Variants in GIGYF1 observed in about 807,000 individuals in gnomAD.
GIGYF1 encodes the protein GRB10 interacting GYF protein 1, also known as GRB10-interacting GYF protein 1.
GIGYF1 carries 84 observed loss-of-function variants against 147.1 expected under a neutral mutation model. The observed-to-expected ratio is 0.57, with a 90% CI of 0.48 to 0.68. The LOEUF (loss-of-function observed/expected upper bound fraction) is 0.68. Ranked by LOEUF, GIGYF1 falls within the 30% of genes least tolerant of loss-of-function variation. GIGYF1 has a pLI of 0.00. For synonymous variants in GIGYF1, 752 were observed against 589.5 expected (o/e 1.28, Z -3.99); for missense variants, 1,485 against 1,393.7 (o/e 1.07, Z -1.04).
chr7:100,685,589 C>G, intron 12 of GIGYF1, 108 bp from the exon 13 acceptor site: 2 of 1,240,056 alleles, frequency 1.6e-6, no homozygotes, highest in South Asian at 1.4e-5. Context: ...TCCCTTAGGC[C>G]GAGTCCACCA....
In GIGYF1 at chr7:100,687,976, C is replaced by G; in HGVS notation, c.165+5G>C. On this transcript the variant is annotated splice_donor_5th_base_variant and intron_variant, in intron 5 of 26. Coordinates refer to ENST00000678049, the MANE Select transcript of GIGYF1 (RefSeq NM_001375765.1). ...ACCGCCAACCCCCCTCGCCCACGCA[C>G]CCACCTTGTTCTCCTTGACGTAGAG... 1 of 1,611,042 alleles carries G rather than the reference C, an allele frequency of 6.2e-7. No homozygotes were observed. The highest frequency in any genetic ancestry group is 1.3e-5 in the African/African-American group (1 of 75,002).
chr7:100,682,569 G>A, intron 23 of GIGYF1, 21 bp downstream of exon 23: 2 of 1,590,558 alleles, frequency 1.3e-6, no homozygotes, highest in Non-Finnish European at 1.7e-6. Flanking sequence ...CCATCCCGGA[G>A]CCTCCAGGTG....
intron 10 of GIGYF1, 45 bp downstream of exon 10, chr7:100,686,604 C>T (rs776387637): frequency 6.4e-7 from 1 of 1,568,688 alleles, no homozygotes; most frequent in Non-Finnish European, 8.6e-7. Context: ...ATTACAGTTC[C>T]TGCTCCCCAC....
At chr7:100,684,405 C>A (rs1357035352) in intron 16 of GIGYF1, 45 bp downstream of exon 16, 2 of 1,606,864 alleles carry the variant, frequency 1.2e-6, no homozygotes, top group African/African-American at 1.3e-5. Context: ...CTCCTGCCGG[C>A]ACCCCTCACA....
rs1335252559 is a variant in GIGYF1, at chr7:100,683,088, A to G, written c.2336T>C (p.Leu779Pro). Reference protein sequence around the residue: ...LSMKTLLELQLEGERQLHKQP... With the variant: ...LSMKTLLELQPEGERQLHKQP... The stretch of plus-strand genomic sequence containing the variant: ...TTTGTGCAGCTGCCGCTCGCCCTCC[A>G]GCTGCAACTCCAGGAGCGTCTTCAT... The change falls in exon 22 of 27, where the codon CTG becomes CCG. Residue 779 changes from leucine to proline, a missense_variant. By Grantham distance (98) the Leu-to-Pro change is moderately conservative. Coordinates refer to ENST00000678049, the MANE Select transcript of GIGYF1 (RefSeq NM_001375765.1). 4.4e-6 allele frequency: 7 copies of G among 1,587,270 alleles called. No homozygotes were observed. Among genetic ancestry groups the G allele is most frequent in the Admixed American group, 1.7e-5 (1 of 57,898 alleles).
chr7:100,687,605 G>A lies in GIGYF1; in HGVS notation c.273C>T (p.Ser91=). 6.2e-7 allele frequency: 1 copy of A among 1,611,430 alleles called. No homozygotes were observed. The highest frequency in any genetic ancestry group is 1.1e-5 in the South Asian group (1 of 90,938). ...PLTEEEQRNF[S]LSVNSVAVLR... Reference sequence around the variant, plus strand: ...GCACAGCCACGCTGTTCACTGACAGGGAGAAGTTTCTCTGAGGAGGGAGCC... The same window carrying A: ...GCACAGCCACGCTGTTCACTGACAGAGAGAAGTTTCTCTGAGGAGGGAGCC... The change falls in exon 7 of 27, where the codon TCC becomes TCT. Residue 91 remains serine, a synonymous_variant. Coordinates refer to ENST00000678049, the MANE Select transcript of GIGYF1 (RefSeq NM_001375765.1).
At chr7:100,685,224 C>T in intron 13 of GIGYF1, 78 bp from the exon 14 acceptor site, 1 of 1,518,010 alleles carries the variant, frequency 6.6e-7, no homozygotes, top group Non-Finnish European at 9.0e-7. Context: ...CACTCCAGAA[C>T]ACCACGCTCT....
At chr7:100,684,386 T>A in intron 16 of GIGYF1, 49 bp from the exon 17 acceptor site, 1 of 1,600,766 alleles carries the variant, frequency 6.2e-7, no homozygotes, top group Non-Finnish European at 8.5e-7. Context: ...AGGAGGGGAC[T>A]CTGCTGGACT....
At chr7:100,689,744 G>A (rs146439091) in intron 1 of GIGYF1, among the ~76,000 whole-genome samples, 189 bp from the exon 2 acceptor site, 9 of 152,314 alleles carry the variant, frequency 5.9e-5, no homozygotes, top group East Asian at 3.9e-4. Flanking sequence ...CCTCTGCCTC[G>A]GCTGGATGCT....
chr7:100,690,746 C>A (rs1281517924), intron 1 of GIGYF1, among the ~76,000 whole-genome samples: 3 of 147,424 alleles, frequency 2.0e-5, no homozygotes, highest in Non-Finnish European at 4.5e-5. Context: ...TGCGCCCCTG[C>A]ACTCCAGCCT....
In GIGYF1 at chr7:100,684,069, G is replaced by A. The variant is rs772560178; in HGVS notation, c.1819C>T (p.Gln607Ter). Residue 607 changes from glutamine (Q) to a stop codon, truncating the protein, a stop_gained, in exon 18 of 27, where the codon CAG becomes TAG. Transcript: ENST00000678049. LOFTEE classifies it high-confidence loss of function. Reference protein sequence around the residue: ...PPPPPPQQQQQQLTAFLQQLQ... With the variant: ...PPPPPPQQQQ ...TGCTGCAGGAATGCCGTGAGCTGCTGCTGCTGCTGCTGTGGCGGCGGCGGT... is the reference window on the plus strand; with the variant it reads ...TGCTGCAGGAATGCCGTGAGCTGCTACTGCTGCTGCTGTGGCGGCGGCGGT... 6.2e-7 allele frequency: 1 copy of A among 1,607,042 alleles called. No homozygotes were observed. Among genetic ancestry groups the A allele is most frequent in the Non-Finnish European group, 8.5e-7 (1 of 1,179,666 alleles).
In GIGYF1 at chr7:100,680,358, T is replaced by G. The variant is rs1804619098; in HGVS notation, c.*1361A>C. 1 of 152,398 alleles carries G rather than the reference T, an allele frequency of 6.6e-6. No individual in the cohort carries two copies. The allele number at this position is 152,398 out of a possible 1,614,324, so 9.4% of individuals were successfully genotyped here. Reference sequence around the variant, plus strand: ...GAGCAATGAGGTCAATGGGAGGAGCTGGATGAGAAACCCAAAAGACAAAAC... The same window carrying G: ...GAGCAATGAGGTCAATGGGAGGAGCGGGATGAGAAACCCAAAAGACAAAAC... On this transcript the variant is annotated 3_prime_UTR_variant, in exon 27 of 27. Transcript: ENST00000678049.
At chr7:100,683,667 T>G (rs2131373330) in intron 19 of GIGYF1, 35 bp from the exon 20 acceptor site, 1 of 1,593,582 alleles carries the variant, frequency 6.3e-7, no homozygotes, top group Non-Finnish European at 8.6e-7. Context: ...CGGCTGCAGG[T>G]GGGCACTTGG....
rs1805081754 is a variant in GIGYF1, at chr7:100,684,128, T to C, written c.1760A>G (p.Glu587Gly). The C allele has an allele frequency of 6.2e-7, 1 of 1,608,764 alleles. No homozygotes were observed. The highest frequency in any genetic ancestry group is 8.5e-7 in the Non-Finnish European group (1 of 1,179,722). ...TGTCAGGTCCCCCAGAGCTGCCTTT[T>C]CTCGGAGCGCGCACTGTGGGAGCTG... ...SRQLPQCALR[E>G]KAALGDLTPP... The change falls in exon 18 of 27, where the codon GAA becomes GGA. Residue 587 changes from glutamate (E) to glycine (G), a missense_variant. Coordinates refer to ENST00000678049, the MANE Select transcript of GIGYF1 (RefSeq NM_001375765.1).
chr7:100,693,962 G>A (rs1410523509), intron 1 of GIGYF1, 148 bp downstream of exon 1: 1 of 150,576 alleles, frequency 6.6e-6, no homozygotes, highest in Admixed American at 6.6e-5. Context: ...TCGGGGAGGA[G>A]ACGGGGGAGG....
chr7:100,687,415 G>C lies in GIGYF1; in HGVS notation c.374-9C>G, dbSNP rs1805471722. ...GTCACCACGGCCGCGGCCTAGAGAAGAGGCCAGACGCACAATGAAACCTGC... is the reference window on the plus strand; with the variant it reads ...GTCACCACGGCCGCGGCCTAGAGAACAGGCCAGACGCACAATGAAACCTGC... On this transcript the variant is annotated splice_polypyrimidine_tract_variant and intron_variant, in intron 7 of 26. Coordinates refer to ENST00000678049, the MANE Select transcript of GIGYF1 (RefSeq NM_001375765.1). 3 of 1,612,892 alleles carry C rather than the reference G, an allele frequency of 1.9e-6. No individual in the cohort carries two copies. Among genetic ancestry groups the C allele is most frequent in the Non-Finnish European group, 2.5e-6 (3 of 1,179,708 alleles).
rs780379372 is a variant in GIGYF1 at position 100,682,153 on chromosome 7, C to A, written c.2844G>T (p.Thr948=). The A allele has an allele frequency of 6.2e-7, 1 of 1,614,004 alleles. No homozygotes were observed. Among genetic ancestry groups the A allele is most frequent in the Non-Finnish European group, 8.5e-7 (1 of 1,179,962 alleles). Residue 948 remains threonine, a synonymous_variant, in exon 25 of 27, where the codon ACG becomes ACT. Transcript: ENST00000678049. ...HDYIRSCLGD[T]LEAKEFAKQF... ...GTTTGGCAAATTCTTTGGCTTCCAG[C>A]GTGTCCCCCAGGCAGGAACGGATAT... is the stretch of plus-strand genomic sequence containing the variant.
rs771818143 is a variant in GIGYF1, at chr7:100,687,280, GC to G, written c.482+17del. ...CCTGGCCTGCCCGGCTCTGCGCCAT[GC>G]CCCCTCCCCGCCCCACCTGTCATCC... On this transcript the variant is annotated intron_variant, in intron 8 of 26. Transcript: ENST00000678049. 62 of 1,604,840 alleles carry G rather than the reference GC, an allele frequency of 3.9e-5. No individual in the cohort carries two copies. Among genetic ancestry groups the G allele is most frequent in the Non-Finnish European group, 5.1e-5 (60 of 1,173,350 alleles).
At chr7:100,687,263 GC>G in intron 8 of GIGYF1, 34 bp downstream of exon 8, 1 of 1,583,142 alleles carries the variant, frequency 6.3e-7, no homozygotes, top group Non-Finnish European at 8.7e-7. Flanking sequence ...TCCCTGGCCT[GC>G]CCGGCTCTGC....
Sources: allele counts gnomAD v4.1 joint callset (sites outside exome capture counted in the v4.1 genomes callset), GRCh38; gene constraint gnomAD v4.1.1; transcripts MANE v1.5; gene names NCBI Gene and HGNC (gene_info 2026-07-23, HGNC 2026-07-21).